The following TENM3 variants were observed in gnomAD, a reference collection of about 807,000 sequenced individuals.
TENM3 encodes teneurin-3.
TENM3 carries 63 observed loss-of-function variants against 255.1 expected under a neutral mutation model. That is an observed-to-expected ratio of 0.25 (90% CI 0.20 to 0.30). The LOEUF is 0.30. Among genes scored for constraint, TENM3 ranks in the 10% least tolerant of loss-of-function variants. The probability of loss-of-function intolerance (pLI) is 1.00; values close to 1 mark genes in which losing one functional copy is unlikely to be tolerated. For missense variants in TENM3, 2,929 were observed against 3,461.1 expected, an observed-to-expected ratio of 0.85 and a Z score of 3.86; for synonymous variants, 1,306 against 1,322.3, an observed-to-expected ratio of 0.99 and a Z score of 0.27.
chr4:182,457,057 C>T (rs1323878998), intron 3 of TENM3, among the ~76,000 whole-genome samples: 1 of 151,734 alleles, frequency 6.6e-6, no homozygotes. Context: ...TGGTGACATG[C>T]GCCTGTAATC....
upstream of TENM3, among the ~76,000 whole-genome samples, chr4:182,241,518 C>CTTTTTTTTTTTTTTTTTTTTTT (rs982739950): frequency 5.9e-4 from 67 of 114,274 alleles, 1 homozygote; most frequent in Non-Finnish European, 7.3e-4. Context: ...TTTTTTCTTT[C>CTTTTTTTTTTTTTTTTTTTTTT]TTTTTTTTTT....
chr4:181,888,591 C>CGTGTGTGTGTGTGTGTGTGTGTGT, the TENM3 span, among the ~76,000 whole-genome samples: 2 of 90,176 alleles, frequency 2.2e-5, no homozygotes, highest in African/African-American at 4.9e-5. Context: ...TATATATATG[C>CGTGTGTGTGTGTGTGTGTGTGTGT]GTGTGTGTGT....
At chr4:182,743,057 T>C in intron 18 of TENM3, 113 bp from the exon 19 acceptor site, 2 of 1,156,894 alleles carry the variant, frequency 1.7e-6, no homozygotes, top group Non-Finnish European at 2.4e-6. Flanking sequence ...TAAGAATGTC[T>C]TAATCCAGAC....
At chr4:182,292,368 C>A (rs1761184395) in intron 1 of TENM3, among the ~76,000 whole-genome samples, 1 of 152,156 alleles carries the variant, frequency 6.6e-6, no homozygotes, top group Admixed American at 6.5e-5. Flanking sequence ...TGAACAGTGC[C>A]TATCTTGGTA....
chr4:181,972,497 T>C, the TENM3 span, among the ~76,000 whole-genome samples: 3 of 151,720 alleles, frequency 2.0e-5, no homozygotes, highest in African/African-American at 7.3e-5. Context: ...AGATAACTTA[T>C]TAAAATGCTA....
chr4:181,582,179 C>G, the TENM3 span, among the ~76,000 whole-genome samples: 2 of 152,234 alleles, frequency 1.3e-5, no homozygotes, highest in South Asian at 4.1e-4. Flanking sequence ...ATGGCAGGTA[C>G]TATAATGTTT....
At chr4:182,199,430 A>G (rs988001540) in intron 1 of TENM3, among the ~76,000 whole-genome samples, 4 of 152,106 alleles carry the variant, frequency 2.6e-5, no homozygotes, top group Non-Finnish European at 5.9e-5. Context: ...TCAAAAAACA[A>G]AAAAAAGAAG....
the TENM3 span, among the ~76,000 whole-genome samples, chr4:181,712,603 C>T: frequency 1.1e-4 from 16 of 152,090 alleles, no homozygotes; most frequent in Non-Finnish European, 2.1e-4. Flanking sequence ...AGAGAATAAA[C>T]TAATAAGCCC....
At chr4:181,859,288 A>G in the TENM3 span, among the ~76,000 whole-genome samples, 2 of 147,116 alleles carry the variant, frequency 1.4e-5, no homozygotes, top group Non-Finnish European at 3.0e-5. Flanking sequence ...TCCTTATGCC[A>G]TATGAACTAT....
At chr4:182,641,513 T>C (rs1012360449) in intron 5 of TENM3, among the ~76,000 whole-genome samples, 3 of 151,740 alleles carry the variant, frequency 2.0e-5, no homozygotes, top group Non-Finnish European at 4.4e-5. Flanking sequence ...ATAAAAGTAG[T>C]ATGCAGTTTT....
At chr4:181,689,895 TA>T in the TENM3 span, among the ~76,000 whole-genome samples, 2 of 152,110 alleles carry the variant, frequency 1.3e-5, no homozygotes, top group Admixed American at 1.3e-4. Context: ...ATGGACAACA[TA>T]AGCATTTAAG....
chr4:181,626,894 A>G, the TENM3 span, among the ~76,000 whole-genome samples: 2 of 152,216 alleles, frequency 1.3e-5, no homozygotes, highest in Non-Finnish European at 1.5e-5. Context: ...GGACCAGGGC[A>G]AGATAGAAGC....
chr4:182,406,896 C>T (rs1454570992), intron 3 of TENM3, among the ~76,000 whole-genome samples: 1 of 152,182 alleles, frequency 6.6e-6, no homozygotes, highest in Non-Finnish European at 1.5e-5. Flanking sequence ...TCATAAGAAG[C>T]AGATTCGCCA....
the TENM3 span, among the ~76,000 whole-genome samples, chr4:181,789,837 G>A: frequency 1.3e-5 from 2 of 152,050 alleles, no homozygotes; most frequent in African/African-American, 4.8e-5. Context: ...TGGGAGGATG[G>A]CATGCCACCC....
intron 3 of TENM3, among the ~76,000 whole-genome samples, chr4:182,433,617 G>A (rs1371412922): frequency 6.6e-6 from 1 of 152,200 alleles, no homozygotes; most frequent in Admixed American, 6.5e-5. Flanking sequence ...TAAAACTCGA[G>A]TGGTCTCCTG....
chr4:182,227,121 AC>A (rs756435982), intron 1 of TENM3, among the ~76,000 whole-genome samples: 1 of 151,940 alleles, frequency 6.6e-6, no homozygotes, highest in Non-Finnish European at 1.5e-5. Context: ...AGCAGTAGAC[AC>A]TCCTTTCCAT....
chr4:182,364,765 T>C (rs908736974), intron 3 of TENM3, among the ~76,000 whole-genome samples: 1 of 152,228 alleles, frequency 6.6e-6, no homozygotes, highest in Admixed American at 6.5e-5. Context: ...TGGATTTTTT[T>C]CTATAACATA....
the TENM3 span, among the ~76,000 whole-genome samples, chr4:181,859,305 A>G: frequency 6.6e-6 from 1 of 150,890 alleles, no homozygotes; most frequent in South Asian, 2.1e-4. Flanking sequence ...CTATCTGACG[A>G]TATGATAGCT....
the TENM3 span, among the ~76,000 whole-genome samples, chr4:182,047,524 T>C: frequency 1.6e-5 from 2 of 128,072 alleles, no homozygotes; most frequent in African/African-American, 3.0e-5. Context: ...AGTGCACCAC[T>C]GCGCTCCAGC....
Sources: allele counts gnomAD v4.1 joint callset (sites outside exome capture counted in the v4.1 genomes callset), GRCh38; gene constraint gnomAD v4.1.1; transcripts MANE v1.5; gene names NCBI Gene and HGNC (gene_info 2026-07-23, HGNC 2026-07-21).